The following ADGRB2 variants were observed in gnomAD, a reference collection of about 807,000 sequenced individuals.
The protein encoded by ADGRB2 is brain-specific angiogenesis inhibitor 2.
ADGRB2 carries 47 observed loss-of-function variants against 178.7 expected under a neutral mutation model. That is an observed-to-expected ratio of 0.26 (90% CI 0.21 to 0.34). ADGRB2 has a LOEUF of 0.34. ADGRB2 is among the 10% of genes least tolerant of loss of function. The pLI is 1.00. For missense variants in ADGRB2, 1,584 were observed against 2,180.8 expected (o/e 0.73, Z 5.45); for synonymous variants, 870 against 912.4 (o/e 0.95, Z 0.84).
intron 4 of ADGRB2, among the ~76,000 whole-genome samples, chr1:31,752,111 CA>C (rs1646604930): frequency 6.6e-6 from 1 of 152,174 alleles, no homozygotes; most frequent in African/African-American, 2.4e-5. Context: ...TGGCCTTGAC[CA>C]CCACTGTCCT....
rs202075168 is a variant in ADGRB2, at chr1:31,741,613, C to T, written c.1687+11G>A. On this transcript the variant is annotated intron_variant, in intron 10 of 32. Coordinates refer to ENST00000373658, the MANE Select transcript of ADGRB2 (RefSeq NM_001364857.2). This position sits in a 1 kb window ranked among gnomAD's most constrained non-coding sequence, Gnocchi z 6.5. The stretch of plus-strand genomic sequence containing the variant: ...GGGTGGTGGTGGTGGGGAAAGCCAC[C>T]TGCCCCTTACCTGAGGCATTCGGGG... 83 of 1,612,688 alleles carry T rather than the reference C, an allele frequency of 5.1e-5. No homozygotes were observed. In the East Asian group the frequency reaches 1.6e-3, roughly 32 times the overall value.
Position 31,738,576 on chromosome 1 carries a change from A to G in ADGRB2, c.2645+11T>C, listed in dbSNP as rs1371359221. 6.2e-7 allele frequency: 1 copy of G among 1,605,472 alleles called. No homozygotes were observed. The highest frequency in any genetic ancestry group is 8.5e-7 in the Non-Finnish European group (1 of 1,175,816). On this transcript the variant is annotated intron_variant, in intron 17 of 32. Transcript: ENST00000373658. ...GCTCCCTTCCTCACCCAGAGGAGCC[A>G]CCCAACTCACGCTCTGGAGTAGTCC...
At position 31,739,587 on chromosome 1, in the gene ADGRB2, G is replaced by A. The variant is rs1261957332; in HGVS notation, c.2216C>T (p.Thr739Met). ...GCCCCGGCGGCCCCGCATGGGGAAC[G>A]TGATGTCACTGGACACAGCTGAGAC... is the stretch of plus-strand genomic sequence containing the variant. ...EPVSAVSSDI[T>M]FPMRGRRGMK... Residue 739 changes from threonine to methionine, a missense_variant, in exon 15 of 33, where the codon ACG becomes ATG. This residue lies in a region of ADGRB2 where 865 missense variants were observed against 1,192.8 expected (regional missense o/e 0.73). Transcript: ENST00000373658. 5.6e-6 allele frequency: 9 copies of A among 1,609,778 alleles called. No individual in the cohort carries two copies. The highest frequency in any genetic ancestry group is 2.2e-5 in the South Asian group (2 of 90,502).
chr1:31,727,885 C>A lies in ADGRB2; in HGVS notation c.4572+140G>T. On this transcript the variant is annotated intron_variant, in intron 32 of 32. Transcript: ENST00000373658. This position sits in a 1 kb window ranked among gnomAD's most constrained non-coding sequence, Gnocchi z 4.4. The stretch of plus-strand genomic sequence containing the variant: ...CCATCTGCAGCACCTTCCCCACCCC[C>A]AGGCGGCCCCAGACTGTTGCCCATG... The A allele has an allele frequency of 8.4e-7, 1 of 1,185,702 alleles. No individual in the cohort carries two copies. The highest frequency in any genetic ancestry group is 1.5e-5 in the African/African-American group (1 of 64,696). 73.4% of individuals were successfully genotyped at this position (1,185,702 alleles called of 1,614,324 possible). A position where few individuals can be genotyped will look rare whatever the true frequency, so the allele number is the denominator to read the frequency against.
chr1:31,735,674 C>T lies in ADGRB2; in HGVS notation c.3268-9G>A. ...CCGATGAGCATGTTCACCTGGGGGC[C>T]CAGTAGAGTGGAGTGGGGGAGACAG... On this transcript the variant is annotated splice_polypyrimidine_tract_variant and intron_variant, in intron 23 of 32. Transcript: ENST00000373658. The surrounding 1 kb of genome is among the most constrained non-coding windows in gnomAD (Gnocchi z 6.0). The T allele has an allele frequency of 6.3e-7, 1 of 1,590,274 alleles. No individual in the cohort carries two copies. Among genetic ancestry groups the T allele is most frequent in the Non-Finnish European group, 8.6e-7 (1 of 1,164,492 alleles).
At position 31,733,125 on chromosome 1, in the gene ADGRB2, G is replaced by C. The variant is rs141378776; in HGVS notation, c.3471C>G (p.Ser1157=). The C allele has an allele frequency of 1.3e-6, 2 of 1,585,248 alleles. No individual in the cohort carries two copies. Among genetic ancestry groups the C allele is most frequent in the African/African-American group, 2.7e-5 (2 of 74,298 alleles). Residue 1157 remains serine, a synonymous_variant, in exon 26 of 33, where the codon TCC becomes TCG. Transcript: ENST00000373658. This position sits in a 1 kb window ranked among gnomAD's most constrained non-coding sequence, Gnocchi z 4.3. ...ARNAMASLWS[S]CVVLPLLALT... is the part of the protein sequence containing the mutation. ...GCGCCAGCAGGGGCAGCACCACGCA[G>C]GAGCTCCAGAGTGAGGCCCTGAGGG... is the stretch of plus-strand genomic sequence containing the variant.
Position 31,727,859 on chromosome 1 carries a change from G to C in ADGRB2, c.4572+166C>G. 1 of 1,008,466 alleles carries C rather than the reference G, an allele frequency of 9.9e-7. No homozygotes were observed. The highest frequency in any genetic ancestry group is 1.7e-5 in the South Asian group (1 of 58,764). The allele number at this position is 1,008,466 out of a possible 1,614,324, so 62.5% of individuals were successfully genotyped here. On this transcript the variant is annotated intron_variant, in intron 32 of 32. Coordinates refer to ENST00000373658, the MANE Select transcript of ADGRB2 (RefSeq NM_001364857.2). This position sits in a 1 kb window ranked among gnomAD's most constrained non-coding sequence, Gnocchi z 4.4. ...TCCTGGAGGACCTCCACCCCTGTTC[G>C]CCATCTGCAGCACCTTCCCCACCCC...
chr1:31,737,354 C>T (rs920930029), intron 20 of ADGRB2, 75 bp downstream of exon 20: 6 of 1,382,316 alleles, frequency 4.3e-6, no homozygotes, highest in Non-Finnish European at 6.2e-6. Flanking sequence ...TACAAGCAAA[C>T]ACACACACTG....
chr1:31,727,666 G>T lies in ADGRB2; in HGVS notation c.4573-61C>A, dbSNP rs749756683. On this transcript the variant is annotated intron_variant, in intron 32 of 32. Transcript: ENST00000373658. The surrounding 1 kb of genome is among the most constrained non-coding windows in gnomAD (Gnocchi z 4.4). ...CAATATCCTTACCCATTGTACAGAC[G>T]ATCAAACTGAGGAGTCCCAGAGAGG... 1.4e-6 allele frequency: 2 copies of T among 1,418,218 alleles called. No individual in the cohort carries two copies. The highest frequency in any genetic ancestry group is 9.2e-7 in the Non-Finnish European group (1 of 1,083,410). The allele number at this position is 1,418,218 out of a possible 1,614,324, so 87.9% of individuals were successfully genotyped here.
In ADGRB2 at chr1:31,737,539, G is replaced by T; in HGVS notation, c.2877-8C>A. On this transcript the variant is annotated splice_region_variant and splice_polypyrimidine_tract_variant and intron_variant, in intron 19 of 32. Coordinates refer to ENST00000373658, the MANE Select transcript of ADGRB2 (RefSeq NM_001364857.2). Reference sequence around the variant, plus strand: ...CGTTCAGATTTTATGAACCTGCCGGGGCACAGCAGGCAGGGACAGAGGCGC... The same window carrying T: ...CGTTCAGATTTTATGAACCTGCCGGTGCACAGCAGGCAGGGACAGAGGCGC... 5 of 1,613,556 alleles carry T rather than the reference G, an allele frequency of 3.1e-6. No homozygotes were observed. Among genetic ancestry groups the T allele is most frequent in the Non-Finnish European group, 4.2e-6 (5 of 1,179,486 alleles).
Position 31,738,243 on chromosome 1 carries a change from T to C in ADGRB2, c.2729A>G (p.His910Arg), listed in dbSNP as rs1213323965. ...GGCTAGTACAGCAAAGGTGGACAGG[T>C]GCTGGCACTGGCAGCGGGTGTGAGC... ...QAAHTRCQCQ[H>R]LSTFAVLAQP... Residue 910 changes from histidine to arginine, a missense_variant, in exon 18 of 33, where the codon CAC becomes CGC. Physicochemically the swap from His to Arg is conservative, Grantham distance 29. This residue lies in a region of ADGRB2 where 865 missense variants were observed against 1,192.8 expected (regional missense o/e 0.73). Coordinates refer to ENST00000373658, the MANE Select transcript of ADGRB2 (RefSeq NM_001364857.2). 2 of 1,613,972 alleles carry C rather than the reference T, an allele frequency of 1.2e-6. No homozygotes were observed. Among genetic ancestry groups the C allele is most frequent in the Admixed American group, 1.7e-5 (1 of 60,006 alleles).
Position 31,732,579 on chromosome 1 carries a change from A to T in ADGRB2, c.3658T>A (p.Cys1220Ser). The T allele has an allele frequency of 6.2e-7, 1 of 1,614,102 alleles. No individual in the cohort carries two copies. The highest frequency in any genetic ancestry group is 1.1e-5 in the South Asian group (1 of 91,078). The change falls in exon 27 of 33, where the codon TGC becomes AGC. Residue 1220 changes from cysteine (C) to serine (S), a missense_variant. Coordinates refer to ENST00000373658, the MANE Select transcript of ADGRB2 (RefSeq NM_001364857.2). The part of the protein sequence containing the change: ...QDVVKCQMGV[C>S]RADESEDSPD... ...GAGTCTTCGCTCTCATCAGCCCGGC[A>T]CACCCCCATCTGGCACTTCACCACA...
In ADGRB2 at chr1:31,732,502, A is replaced by G. The variant is rs753824368; in HGVS notation, c.3720+15T>C. On this transcript the variant is annotated intron_variant, in intron 27 of 32. Coordinates refer to ENST00000373658, the MANE Select transcript of ADGRB2 (RefSeq NM_001364857.2). ...CCCAGAATCTGCCCAGGCCCTGCCCAGGCCCCTAACTCACCAGGATCTGCA... is the reference window on the plus strand; with the variant it reads ...CCCAGAATCTGCCCAGGCCCTGCCCGGGCCCCTAACTCACCAGGATCTGCA... The G allele has an allele frequency of 6.8e-6, 11 of 1,613,696 alleles. No homozygotes were observed. The African/African-American group carries it at 1.3e-4, about 20-fold the overall frequency.
rs773508471 is a variant in ADGRB2, at chr1:31,728,033, C to T, written c.4564G>A (p.Val1522Met). ...AGCCCGGGGGGACTCACGGTGCACA[C>T]GCTCCGCTCGGCTGCCCCACCCGAG... ...VSSGGAAERS[V>M]CTDKPSPGER... is the part of the protein sequence containing the mutation. The change falls in exon 32 of 33, where the codon GTG becomes ATG. Residue 1522 changes from valine to methionine, a missense_variant. Physicochemically the swap from Val to Met is conservative, Grantham distance 21. Coordinates refer to ENST00000373658, the MANE Select transcript of ADGRB2 (RefSeq NM_001364857.2). The surrounding 1 kb of genome is among the most constrained non-coding windows in gnomAD (Gnocchi z 6.7). 2.7e-5 allele frequency: 42 copies of T among 1,571,364 alleles called. No homozygotes were observed. The highest frequency in any genetic ancestry group is 4.7e-5 in the East Asian group (2 of 42,996).
At position 31,754,916 on chromosome 1, in the gene ADGRB2, G is replaced by A. The variant is rs1231056606; in HGVS notation, c.838+1083C>T. 1.3e-5 allele frequency among the ~76,000 whole-genome samples: 2 copies of A among 152,218 alleles called. No individual in the cohort carries two copies. The highest frequency in any genetic ancestry group is 2.4e-5 in the African/African-American group (1 of 41,446). ...AGGCCGCTCTCCTCCAGCACTCCTA[G>A]CAGCCCTCACATGATACCCTGTCTC... On this transcript the variant is annotated intron_variant, in intron 4 of 32. Coordinates refer to ENST00000373658, the MANE Select transcript of ADGRB2 (RefSeq NM_001364857.2). This position sits in a 1 kb window ranked among gnomAD's most constrained non-coding sequence, Gnocchi z 5.7.
rs1645699304 is a variant in ADGRB2, at chr1:31,737,728, C to A, written c.2800G>T (p.Val934Phe). The stretch of plus-strand genomic sequence containing the variant: ...ACTGCACAGCCGATCACCAGGGGGA[C>A]CGAGGGGGAGCCCGCCAGCTCCAGG... The part of the protein sequence containing the change: ...LTLELAGSPS[V>F]PLVIGCAVSC... Residue 934 changes from valine to phenylalanine, a missense_variant, in exon 19 of 33, where the codon GTC becomes TTC. By Grantham distance (50) the Val-to-Phe change is conservative (BLOSUM62 -1). Coordinates refer to ENST00000373658, the MANE Select transcript of ADGRB2 (RefSeq NM_001364857.2). 1 of 1,613,630 alleles carries A rather than the reference C, an allele frequency of 6.2e-7. No individual in the cohort carries two copies. Among genetic ancestry groups the A allele is most frequent in the Non-Finnish European group, 8.5e-7 (1 of 1,180,006 alleles).
chr1:31,728,524 T>C lies in ADGRB2; in HGVS notation c.4416+74A>G. ...GGCTCTGCAACAGAGCTTGGACTAC[T>C]TTTAGGAGTGAGCCCTCCAGGGACA... On this transcript the variant is annotated intron_variant, in intron 30 of 32. Transcript: ENST00000373658. This position sits in a 1 kb window ranked among gnomAD's most constrained non-coding sequence, Gnocchi z 6.7. The C allele has an allele frequency of 8.1e-6, 13 of 1,602,436 alleles. 1 individual carries two copies. The South Asian group carries it at 1.4e-4, about 18-fold the overall frequency.
rs992877226 is a variant in ADGRB2, at chr1:31,736,673, G to C, written c.3030C>G (p.Ser1010=). The part of the protein sequence containing the change: ...AAFLHFFFLS[S]FCWVLTEAWQ... Reference sequence around the variant, plus strand: ...AGGCCTCGGTAAGCACCCAGCAAAAGGAGGAGAGAAAGAAGAAGTGCAGGA... The same window carrying C: ...AGGCCTCGGTAAGCACCCAGCAAAACGAGGAGAGAAAGAAGAAGTGCAGGA... Residue 1010 remains serine, a synonymous_variant, in exon 21 of 33, where the codon TCC becomes TCG. Transcript: ENST00000373658. 1.1e-5 allele frequency: 17 copies of C among 1,614,018 alleles called. No homozygotes were observed. The Admixed American group carries it at 1.7e-4, about 16-fold the overall frequency.
chr1:31,751,461 G>C (rs1329199056), intron 4 of ADGRB2, among the ~76,000 whole-genome samples: 2 of 152,116 alleles, frequency 1.3e-5, no homozygotes. Flanking sequence ...TAAATTACAT[G>C]GTCACTTTAA....
Sources: gnomAD v4.1 joint callset for allele counts (sites outside exome capture counted in the v4.1 genomes callset) on GRCh38, gnomAD v4.1.1 for gene constraint, gnomAD v4.1.1 regional missense constraint, Gnocchi (gnomAD v3.1) non-coding constraint, MANE v1.5 for transcripts, NCBI Gene and HGNC (gene_info 2026-07-23, HGNC 2026-07-21) for gene names.